The following SERINC2 variants were observed in gnomAD, a reference collection of about 807,000 sequenced individuals.
The protein encoded by SERINC2 is tumor differentially expressed protein 2.
SERINC2 carries 56 observed loss-of-function variants against 54.2 expected under a neutral mutation model. That is an observed-to-expected ratio of 1.03 (90% CI 0.83 to 1.29). The LOEUF is 1.29. Ranked by LOEUF, SERINC2 falls within the 50% of genes most tolerant of loss-of-function variation. SERINC2 has a pLI of 0.00. For missense variants in SERINC2, 614 were observed against 607.4 expected (o/e 1.01, Z -0.12); for synonymous variants, 272 against 253.1 (o/e 1.07, Z -0.71).
chr1:31,414,091 G>C, intron 1 of SERINC2: 1 of 1,468,822 alleles, frequency 6.8e-7, no homozygotes. Flanking sequence ...ACCACCGGGC[G>C]GAACTCTGGG....
chr1:31,409,895 G>A (rs764609715), upstream of SERINC2: 35 of 1,503,544 alleles, frequency 2.3e-5, no homozygotes, highest in Admixed American at 2.7e-4. Flanking sequence ...GCACTGAGGC[G>A]GGGGCAGGAG....
chr1:31,425,942 G>A, intron 5 of SERINC2, 29 bp downstream of exon 5: 2 of 1,600,798 alleles, frequency 1.2e-6, no homozygotes, highest in Non-Finnish European at 8.5e-7. Context: ...CCTCCGTGTG[G>A]GGACTCGAGC....
At chr1:31,410,421 G>C, upstream of SERINC2, 1 of 1,549,916 alleles carries the variant, frequency 6.5e-7, no homozygotes, top group Non-Finnish European at 8.7e-7. Flanking sequence ...GGAGTCACCC[G>C]GACCCAGCCA....
At chr1:31,414,053 C>A in intron 1 of SERINC2, 2 of 1,510,258 alleles carry the variant, frequency 1.3e-6, no homozygotes, top group Non-Finnish European at 1.8e-6. Context: ...TAGCTGCCCT[C>A]GAGTGAGGCG....
At chr1:31,418,505 A>G (rs1309104035) in intron 1 of SERINC2, among the ~76,000 whole-genome samples, 1 of 152,070 alleles carries the variant, frequency 6.6e-6, no homozygotes, top group Admixed American at 6.5e-5. Context: ...CCTCCTGAGT[A>G]GCTGGAATTA....
chr1:31,409,894 CG>C, upstream of SERINC2: 1 of 1,506,670 alleles, frequency 6.6e-7, no homozygotes, highest in Non-Finnish European at 9.0e-7. Flanking sequence ...GGCACTGAGG[CG>C]GGGGCAGGAG....
rs1570079596 is a variant in SERINC2, at chr1:31,434,271, C to T, written c.*72C>T. The T allele has an allele frequency of 2.0e-6, 3 of 1,488,680 alleles. No individual in the cohort carries two copies. The highest frequency in any genetic ancestry group is 2.4e-5 in the South Asian group (2 of 81,930). The allele number at this position is 1,488,680 out of a possible 1,614,324, so 92.2% of individuals were successfully genotyped here. A position where few individuals can be genotyped will look rare whatever the true frequency, so the allele number is the denominator to read the frequency against. On this transcript the variant is annotated 3_prime_UTR_variant, in exon 10 of 10. Transcript: ENST00000373709. ...TCTCGGCTCAGTGACAGCCAACCTG[C>T]CCCCTCCCCACACCAATCAGCCAGG...
At chr1:31,430,940 C>T (rs1046785067) in intron 8 of SERINC2, among the ~76,000 whole-genome samples, 3 of 152,226 alleles carry the variant, frequency 2.0e-5, no homozygotes, top group African/African-American at 7.2e-5. Context: ...TGGGCTAGAA[C>T]ATTTTAAAGC....
chr1:31,427,017 A>G (rs1427657559), intron 6 of SERINC2, among the ~76,000 whole-genome samples, 194 bp downstream of exon 6: 2 of 152,144 alleles, frequency 1.3e-5, no homozygotes, highest in African/African-American at 2.4e-5. Flanking sequence ...GAGGTGCCCT[A>G]ACCTCTCTCT....
chr1:31,410,940 G>T (rs189460069), upstream of SERINC2, among the ~76,000 whole-genome samples: 1 of 152,288 alleles, frequency 6.6e-6, no homozygotes, highest in East Asian at 1.9e-4. Flanking sequence ...CTGCTTGGTG[G>T]CATTTCAGTC....
At chr1:31,412,965 C>T (rs79335452), upstream of SERINC2, among the ~76,000 whole-genome samples, 840 of 152,274 alleles carry the variant, frequency 5.5e-3, 62 homozygotes, top group East Asian at 0.14. Flanking sequence ...AAACCGAGGT[C>T]GATTTCCGAA....
At chr1:31,411,120 G>T (rs1460440721), upstream of SERINC2, among the ~76,000 whole-genome samples, 1 of 152,176 alleles carries the variant, frequency 6.6e-6, no homozygotes, top group Non-Finnish European at 1.5e-5. Flanking sequence ...GGGTAGGAGA[G>T]GGGGTGGCCA....
intron 1 of SERINC2, chr1:31,414,313 TC>T: frequency 7.8e-7 from 1 of 1,274,748 alleles, no homozygotes; most frequent in African/African-American, 1.6e-5. Flanking sequence ...TGAGGTTCAT[TC>T]AGGCAGCCCC....
intron 1 of SERINC2, among the ~76,000 whole-genome samples, chr1:31,415,529 A>G (rs1168491426): frequency 6.6e-6 from 1 of 152,236 alleles, no homozygotes; most frequent in Non-Finnish European, 1.5e-5. Flanking sequence ...GGCCCCATAC[A>G]GTAGTGAGCA....
Position 31,433,168 on chromosome 1 carries a change from G to C in SERINC2, c.1215G>C (p.Thr405=), listed in dbSNP as rs115167136. The C allele has an allele frequency of 6.2e-7, 1 of 1,613,584 alleles. No homozygotes were observed. The highest frequency in any genetic ancestry group is 8.5e-7 in the Non-Finnish European group (1 of 1,179,940). ...TGGCCTCACTGCACGTCATGATGAC[G>C]CTCACCAACTGGTACAAGTGCGTAG... ...LVLASLHVMM[T]LTNWYKPGET... The change falls in exon 9 of 10, where the codon ACG becomes ACC. Residue 405 remains threonine, a synonymous_variant. Transcript: ENST00000373709.
chr1:31,410,495 G>A (rs1640630286), upstream of SERINC2: 1 of 1,546,300 alleles, frequency 6.5e-7, no homozygotes, highest in Non-Finnish European at 8.7e-7. Context: ...TCTTGGGCAG[G>A]CAGGAGGCCA....
intron 4 of SERINC2, 90 bp downstream of exon 4, chr1:31,425,499 G>A (rs533916161): frequency 9.7e-7 from 1 of 1,029,518 alleles, no homozygotes; most frequent in South Asian, 1.3e-5. Context: ...CTCTTTGCTG[G>A]GGCACACAGA....
upstream of SERINC2, chr1:31,412,998 G>A (rs1320095448): frequency 7.5e-6 from 2 of 267,772 alleles, no homozygotes; most frequent in Non-Finnish European, 1.2e-5. Context: ...AGCAGGATGC[G>A]AGCCCGGGCC....
chr1:31,433,156 C>G lies in SERINC2; in HGVS notation c.1203C>G (p.His401Gln), dbSNP rs782662033. ...FHFCLVLASL[H>Q]VMMTLTNWYK... Reference sequence around the variant, plus strand: ...TCTGCCTGGTGCTGGCCTCACTGCACGTCATGATGACGCTCACCAACTGGT... The same window carrying G: ...TCTGCCTGGTGCTGGCCTCACTGCAGGTCATGATGACGCTCACCAACTGGT... Residue 401 changes from histidine (H) to glutamine (Q), a missense_variant, in exon 9 of 10, where the codon CAC becomes CAG. His to Gln is a conservative substitution (Grantham distance 24). Transcript: ENST00000373709. 6 of 1,613,756 alleles carry G rather than the reference C, an allele frequency of 3.7e-6. No individual in the cohort carries two copies. The highest frequency in any genetic ancestry group is 5.1e-6 in the Non-Finnish European group (6 of 1,179,998).
Sources: gnomAD v4.1 joint callset for allele counts (sites outside exome capture counted in the v4.1 genomes callset) on GRCh38, gnomAD v4.1.1 for gene constraint, MANE v1.5 for transcripts, NCBI Gene and HGNC (gene_info 2026-07-23, HGNC 2026-07-21) for gene names.